Variants in PRDM1 observed in about 807,000 individuals in gnomAD.
The protein encoded by PRDM1 is PR domain zinc finger protein 1.
In PRDM1, 13 loss-of-function variants were observed where a neutral mutation model predicts 62.8. The observed-to-expected ratio is 0.21, with a 90% CI of 0.13 to 0.33. The LOEUF (loss-of-function observed/expected upper bound fraction) is 0.33. Among genes scored for constraint, PRDM1 ranks in the 10% least tolerant of loss-of-function variants. The pLI, the probability that PRDM1 is intolerant of heterozygous loss-of-function variation, is 1.00. For synonymous variants in PRDM1, 396 were observed against 417.6 expected (o/e 0.95, Z 0.63); for missense variants, 895 against 1,058.8 (o/e 0.85, Z 2.15).
intron 1 of PRDM1, among the ~76,000 whole-genome samples, chr6:106,004,902 T>C (rs1320558016): frequency 6.6e-6 from 1 of 152,222 alleles, no homozygotes; most frequent in East Asian, 1.9e-4. Context: ...AAATGATATA[T>C]TTGTGGAAAG....
At chr6:106,042,986 G>C (rs1773024260) in intron 1 of PRDM1, among the ~76,000 whole-genome samples, 2 of 152,186 alleles carry the variant, frequency 1.3e-5, no homozygotes, top group African/African-American at 4.8e-5. Context: ...GAGTAGCTGG[G>C]ATTATAGGCA....
At chr6:106,089,838 T>C (rs1487850989) in intron 2 of PRDM1, among the ~76,000 whole-genome samples, 1 of 152,190 alleles carries the variant, frequency 6.6e-6, no homozygotes, top group Non-Finnish European at 1.5e-5. Context: ...TTTCCCCATA[T>C]CAAGTTTGAC....
rs561066432 is a variant in PRDM1 at position 106,040,089 on chromosome 6, G to A, written c.-67+46450G>A. On this transcript the variant is annotated intron_variant, in intron 1 of 6. Coordinates refer to the PRDM1 transcript ENST00000652320. ...CCTGTGTGTTTGGGCACTGCCCAGC[G>A]AGGAAGAAATGATTAAGCAGCCAAA... 4.3e-4 allele frequency among the ~76,000 whole-genome samples: 65 copies of A among 152,324 alleles called. No homozygotes were observed. In the South Asian group the frequency reaches 0.013, roughly 30 times the overall value.
At chr6:106,101,292 A>C (rs1459172211) in intron 4 of PRDM1, among the ~76,000 whole-genome samples, 1 of 152,094 alleles carries the variant, frequency 6.6e-6, no homozygotes, top group Non-Finnish European at 1.5e-5. Flanking sequence ...ACCAACCACC[A>C]AGAAACTTTT....
At chr6:106,098,610 G>C in intron 3 of PRDM1, 2 of 1,317,668 alleles carry the variant, frequency 1.5e-6, no homozygotes, top group Non-Finnish European at 2.0e-6. Context: ...TTTATCAAGA[G>C]GAAAAGTGAC....
At chr6:106,033,893 T>G (rs1360388371) in intron 1 of PRDM1, among the ~76,000 whole-genome samples, 1 of 152,072 alleles carries the variant, frequency 6.6e-6, no homozygotes, top group African/African-American at 2.4e-5. Flanking sequence ...GTCAAGAGAT[T>G]TTTTATTATT....
intron 1 of PRDM1, among the ~76,000 whole-genome samples, chr6:106,031,386 G>T (rs1237118248): frequency 6.6e-6 from 1 of 152,210 alleles, no homozygotes; most frequent in Non-Finnish European, 1.5e-5. Context: ...GGGGGCAAAA[G>T]AATGCTTCCT....
chr6:106,081,907 GC>G (rs936359907), upstream of PRDM1, among the ~76,000 whole-genome samples: 2 of 152,092 alleles, frequency 1.3e-5, no homozygotes, highest in African/African-American at 4.8e-5. Context: ...CTCCATAGAA[GC>G]CTTTCACCTT....
intron 1 of PRDM1, among the ~76,000 whole-genome samples, chr6:106,005,575 T>C (rs1279789166): frequency 2.0e-5 from 3 of 152,222 alleles, no homozygotes; most frequent in Non-Finnish European, 2.9e-5. Flanking sequence ...AATGCAACTT[T>C]CAATTCGAAA....
intron 1 of PRDM1, among the ~76,000 whole-genome samples, chr6:106,024,324 G>T (rs998661595): frequency 2.6e-5 from 4 of 152,236 alleles, no homozygotes; most frequent in East Asian, 3.9e-4. Flanking sequence ...TCGAGAAATG[G>T]CCTTTAAACA....
chr6:106,019,637 CTTTTTTT>C (rs754946092), intron 1 of PRDM1, among the ~76,000 whole-genome samples: 18 of 132,920 alleles, frequency 1.4e-4, no homozygotes, highest in African/African-American at 3.0e-4. Context: ...TTTTTCTTTT[CTTTTTTT>C]TTTTTTTTTT....
chr6:106,044,401 T>G (rs558582774), upstream of PRDM1, among the ~76,000 whole-genome samples: 2 of 152,324 alleles, frequency 1.3e-5, no homozygotes, highest in East Asian at 3.9e-4. Context: ...TGTTAATAAA[T>G]CACTTAGTAC....
intron 1 of PRDM1, among the ~76,000 whole-genome samples, chr6:106,029,320 A>C (rs1419260066): frequency 6.6e-6 from 1 of 152,226 alleles, no homozygotes; most frequent in Non-Finnish European, 1.5e-5. Context: ...TATGGTACAT[A>C]AGGTCAATTT....
At chr6:106,029,869 T>C (rs1772818056) in intron 1 of PRDM1, among the ~76,000 whole-genome samples, 1 of 152,014 alleles carries the variant, frequency 6.6e-6, no homozygotes, top group African/African-American at 2.4e-5. Context: ...TTTGTCCGTC[T>C]TGGCCTCCCA....
In PRDM1 at chr6:106,109,464, A is replaced by G. The variant is rs754507609; in HGVS notation, c.*1978A>G. 52 of 233,512 alleles carry G rather than the reference A, an allele frequency of 2.2e-4. 1 individual carries two copies. The highest frequency in any genetic ancestry group is 3.7e-4 in the Non-Finnish European group (44 of 117,952). 14.5% of individuals were successfully genotyped at this position (233,512 alleles called of 1,614,324 possible). On this transcript the variant is annotated 3_prime_UTR_variant, in exon 7 of 7. Coordinates refer to ENST00000369096, the MANE Select transcript of PRDM1 (RefSeq NM_001198.4). ...ATTTTGTTCACATCAACTAATGTTC[A>G]CCTGTAGAAGAGAACAAATTTCGAA...
At chr6:106,037,761 G>C (rs1318110957) in intron 1 of PRDM1, among the ~76,000 whole-genome samples, 4 of 151,570 alleles carry the variant, frequency 2.6e-5, no homozygotes, top group Non-Finnish European at 5.9e-5. Flanking sequence ...TTGTTTTCTT[G>C]ACTTTCCCCA....
In PRDM1 at chr6:106,106,547, C is replaced by T; in HGVS notation, c.1902+48C>T. On this transcript the variant is annotated intron_variant, in intron 6 of 6. Coordinates refer to ENST00000369096, the MANE Select transcript of PRDM1 (RefSeq NM_001198.4). This position sits in a 1 kb window ranked among gnomAD's most constrained non-coding sequence, Gnocchi z 4.4. ...ACCTTCTGACCTTTGTAGAAAATGT[C>T]TGTGAGTCACCCTCCCATGTCCTAT... is the stretch of plus-strand genomic sequence containing the variant. 2 of 1,609,104 alleles carry T rather than the reference C, an allele frequency of 1.2e-6. No individual in the cohort carries two copies. The highest frequency in any genetic ancestry group is 1.7e-6 in the Non-Finnish European group (2 of 1,177,660).
chr6:106,073,599 A>C (rs1773555615), intron 1 of PRDM1, among the ~76,000 whole-genome samples: 1 of 152,200 alleles, frequency 6.6e-6, no homozygotes, highest in Non-Finnish European at 1.5e-5. Context: ...TGTGTGGCTA[A>C]GTATTTTATT....
intron 1 of PRDM1, among the ~76,000 whole-genome samples, chr6:106,034,635 C>CTTTTT (rs1554200511): frequency 1.1e-5 from 1 of 88,420 alleles, no homozygotes; most frequent in Admixed American, 1.6e-4. Flanking sequence ...TGTTCTCTCT[C>CTTTTT]TTTTTTTTTT....
Sources: allele counts gnomAD v4.1 joint callset (sites outside exome capture counted in the v4.1 genomes callset), GRCh38; gene constraint gnomAD v4.1.1; non-coding constraint Gnocchi (gnomAD v3.1); transcripts MANE v1.5; gene names NCBI Gene and HGNC (gene_info 2026-07-23, HGNC 2026-07-21).